MVB12B: variants seen among roughly 807,000 people sequenced by gnomAD.
The protein encoded by MVB12B is ESCRT-I complex subunit MVB12B.
In MVB12B, 16 loss-of-function variants were observed where a neutral mutation model predicts 41.6. The observed-to-expected ratio is 0.38, with a 90% CI of 0.26 to 0.58. The LOEUF (loss-of-function observed/expected upper bound fraction) is 0.58, where lower values mean the gene tolerates loss of function less well. Ranked by LOEUF, MVB12B falls within the 20% of genes least tolerant of loss-of-function variation. The pLI is 0.62. For missense variants in MVB12B, 274 were observed against 380.2 expected (o/e 0.72, Z 2.32); for synonymous variants, 133 against 139.7 (o/e 0.95, Z 0.34).
rs1163977588 is a variant in MVB12B at position 126,392,219 on chromosome 9, C to T, written c.539+24C>T. 3 of 1,612,792 alleles carry T rather than the reference C, an allele frequency of 1.9e-6. No homozygotes were observed. In the South Asian group the frequency reaches 3.3e-5, roughly 18 times the overall value. Reference sequence around the variant, plus strand: ...GGGTGAGTCTTAATAACAGGACTGTCAGCTGCTTCTCTTCCCTGAGAGCAC... The same window carrying T: ...GGGTGAGTCTTAATAACAGGACTGTTAGCTGCTTCTCTTCCCTGAGAGCAC... On this transcript the variant is annotated intron_variant, in intron 5 of 9. Coordinates refer to ENST00000361171, the MANE Select transcript of MVB12B (RefSeq NM_033446.3). This position sits in a 1 kb window ranked among gnomAD's most constrained non-coding sequence, Gnocchi z 4.8.
rs1327207859 is a variant in MVB12B at position 126,473,410 on chromosome 9, A to G, written c.758-7959A>G. On this transcript the variant is annotated intron_variant, in intron 7 of 9. Transcript: ENST00000361171. The surrounding 1 kb of genome is among the most constrained non-coding windows in gnomAD (Gnocchi z 4.0). ...TGGTGTATTAGTTCATTCTTGCGTT[A>G]CTATAAAGAAATACCTGAGACTGGG... is the stretch of plus-strand genomic sequence containing the variant. Among the ~76,000 whole-genome samples the G allele has an allele frequency of 1.3e-5, 2 of 152,226 alleles. No homozygotes were observed. The highest frequency in any genetic ancestry group is 2.1e-4 in the South Asian group (1 of 4,830).
At chr9:126,500,252 C>T (rs574642076) in intron 9 of MVB12B, among the ~76,000 whole-genome samples, 1 of 152,370 alleles carries the variant, frequency 6.6e-6, no homozygotes, top group Admixed American at 6.5e-5. Context: ...CCCCCAGCCC[C>T]TCCACTGCCC....
chr9:126,493,336 G>T (rs955524636), intron 9 of MVB12B, among the ~76,000 whole-genome samples: 1 of 152,078 alleles, frequency 6.6e-6, no homozygotes, highest in Non-Finnish European at 1.5e-5. Context: ...ACTCTTAAAT[G>T]CCACTTTTAT....
At position 126,486,867 on chromosome 9, in the gene MVB12B, G is replaced by A. The variant is rs1427614348; in HGVS notation, c.873+2835G>A. On this transcript the variant is annotated intron_variant, in intron 9 of 9. Coordinates refer to ENST00000361171, the MANE Select transcript of MVB12B (RefSeq NM_033446.3). The surrounding 1 kb of genome is among the most constrained non-coding windows in gnomAD (Gnocchi z 4.7). ...TTCCAAGGGGGCTCTCTAGGCTGGT[G>A]GCCAGTCAGTCTAGTTCCTTAACCT... 6.6e-6 allele frequency among the ~76,000 whole-genome samples: 1 copy of A among 152,196 alleles called. No individual in the cohort carries two copies. The highest frequency in any genetic ancestry group is 2.4e-5 in the African/African-American group (1 of 41,440).
chr9:126,412,132 G>A (rs758208627), intron 6 of MVB12B, among the ~76,000 whole-genome samples: 1 of 152,188 alleles, frequency 6.6e-6, no homozygotes, highest in Non-Finnish European at 1.5e-5. Flanking sequence ...TCTAGAAGGT[G>A]CTTATTAAAA....
chr9:126,498,697 T>C (rs1237599248), intron 9 of MVB12B, among the ~76,000 whole-genome samples: 1 of 152,238 alleles, frequency 6.6e-6, no homozygotes, highest in Admixed American at 6.5e-5. Flanking sequence ...GGAAGTCAGA[T>C]CCTTTCTTGG....
At chr9:126,390,472 CACAA>C (rs374967226) in intron 4 of MVB12B, among the ~76,000 whole-genome samples, 39 of 152,312 alleles carry the variant, frequency 2.6e-4, no homozygotes, top group African/African-American at 8.7e-4. Context: ...GGTTTAAAAG[CACAA>C]ACAAACACAC....
At chr9:126,462,756 G>C (rs529845979) in intron 7 of MVB12B, among the ~76,000 whole-genome samples, 2 of 152,306 alleles carry the variant, frequency 1.3e-5, no homozygotes, top group African/African-American at 4.8e-5. Context: ...GGACTGCTGA[G>C]CTCAGGTGGG....
At chr9:126,476,317 TC>T (rs925214748) in intron 7 of MVB12B, among the ~76,000 whole-genome samples, 1 of 152,080 alleles carries the variant, frequency 6.6e-6, no homozygotes, top group Non-Finnish European at 1.5e-5. Context: ...CCCCACCAAC[TC>T]CCCAGGGTGC....
intron 7 of MVB12B, among the ~76,000 whole-genome samples, chr9:126,476,828 G>T (rs920365949): frequency 7.6e-6 from 1 of 131,136 alleles, no homozygotes; most frequent in Non-Finnish European, 1.5e-5. Flanking sequence ...AGTGAGCCAA[G>T]ATTGCGCCAC....
chr9:126,458,102 C>G (rs1039902127), intron 7 of MVB12B, among the ~76,000 whole-genome samples: 5 of 152,140 alleles, frequency 3.3e-5, no homozygotes, highest in Non-Finnish European at 7.4e-5. Flanking sequence ...TTGTCAGGTC[C>G]CTGCCAGGTC....
intron 1 of MVB12B, chr9:126,327,287 G>A: frequency 1.0e-6 from 1 of 985,206 alleles, no homozygotes; most frequent in African/African-American, 1.7e-5. Flanking sequence ...CGCCCCCAAG[G>A]CCCGGGCAGG....
intron 9 of MVB12B, among the ~76,000 whole-genome samples, chr9:126,501,390 C>T (rs185131280): frequency 1.2e-4 from 19 of 152,306 alleles, no homozygotes; most frequent in Admixed American, 1.2e-3. Flanking sequence ...GCCCTGAAGC[C>T]TCGGGTCCTT....
chr9:126,379,810 G>A (rs983242815), intron 2 of MVB12B, among the ~76,000 whole-genome samples: 3 of 152,150 alleles, frequency 2.0e-5, no homozygotes, highest in African/African-American at 4.8e-5. Context: ...TCCCGCCTCC[G>A]CCCTGAGCCT....
intron 7 of MVB12B, among the ~76,000 whole-genome samples, chr9:126,464,237 G>A (rs1833148515): frequency 6.6e-6 from 1 of 152,278 alleles, no homozygotes; most frequent in East Asian, 1.9e-4. Context: ...AGGGGGTAAC[G>A]TTTCTGCCCT....
chr9:126,374,917 G>C (rs1285118371), intron 2 of MVB12B, among the ~76,000 whole-genome samples: 2 of 152,146 alleles, frequency 1.3e-5, no homozygotes, highest in South Asian at 4.1e-4. Flanking sequence ...AGTGATGCCT[G>C]CGTGCACAGT....
chr9:126,491,045 G>A (rs1833720830), intron 9 of MVB12B, among the ~76,000 whole-genome samples: 3 of 152,188 alleles, frequency 2.0e-5, no homozygotes, highest in Admixed American at 2.0e-4. Context: ...TTAGTAAACA[G>A]TTTGAGCTGA....
In MVB12B at chr9:126,392,466, G is replaced by C. The variant is rs1412828059; in HGVS notation, c.539+271G>C. On this transcript the variant is annotated intron_variant, in intron 5 of 9. Coordinates refer to ENST00000361171, the MANE Select transcript of MVB12B (RefSeq NM_033446.3). This position sits in a 1 kb window ranked among gnomAD's most constrained non-coding sequence, Gnocchi z 4.8. ...CCTCTGGGTCCTTCCCCGACACCCT[G>C]TGATGCCACTGGCCTCAGCTCTTCA... Among the ~76,000 whole-genome samples, 1 of 152,194 alleles carries C rather than the reference G, an allele frequency of 6.6e-6. No individual in the cohort carries two copies. Among genetic ancestry groups the C allele is most frequent in the Non-Finnish European group, 1.5e-5 (1 of 68,044 alleles).
chr9:126,390,801 A>C (rs994098941), intron 4 of MVB12B, among the ~76,000 whole-genome samples: 2 of 152,132 alleles, frequency 1.3e-5, no homozygotes, highest in Non-Finnish European at 2.9e-5. Flanking sequence ...TCTACTAAAA[A>C]TACAAAAATG....
Sources: allele counts gnomAD v4.1 joint callset (sites outside exome capture counted in the v4.1 genomes callset), GRCh38; gene constraint gnomAD v4.1.1; non-coding constraint Gnocchi (gnomAD v3.1); transcripts MANE v1.5; gene names NCBI Gene and HGNC (gene_info 2026-07-23, HGNC 2026-07-21).